Variants in CMIP observed in about 807,000 individuals in gnomAD.
CMIP encodes C-Maf-inducing protein.
A neutral mutation model predicts 97.3 loss-of-function variants in CMIP; 13 were observed. The observed-to-expected ratio is 0.13, with a 90% CI of 0.09 to 0.21. The LOEUF is 0.21. Ranked by LOEUF, CMIP falls within the 10% of genes least tolerant of loss-of-function variation. The probability of loss-of-function intolerance (pLI) is 1.00; values close to 1 mark genes in which losing one functional copy is unlikely to be tolerated. For missense variants in CMIP, 847 were observed against 1,024.9 expected, an observed-to-expected ratio of 0.83 and a Z score of 2.37; for synonymous variants, 538 against 436.3, an observed-to-expected ratio of 1.23 and a Z score of -2.91.
Position 81,702,792 on chromosome 16 carries a change from C to A in CMIP, c.1944+123C>A, listed in dbSNP as rs1265509318. ...TGATGGAGGGCGGGGCACAAGGACC[C>A]CCTAGTACTTAACACGCCAGCTCTT... is the stretch of plus-strand genomic sequence containing the variant. On this transcript the variant is annotated intron_variant, in intron 17 of 20. Transcript: ENST00000537098. 10 of 822,968 alleles carry A rather than the reference C, an allele frequency of 1.2e-5. No individual in the cohort carries two copies. In the Admixed American group the frequency reaches 2.1e-4, roughly 17 times the overall value. 51.0% of individuals were successfully genotyped at this position (822,968 alleles called of 1,614,324 possible).
intron 1 of CMIP, among the ~76,000 whole-genome samples, chr16:81,457,954 C>A (rs1048241814): frequency 2.6e-5 from 4 of 152,268 alleles, no homozygotes; most frequent in African/African-American, 9.6e-5. Flanking sequence ...TGACCTCCCC[C>A]TCGCTGTCCC....
intron 1 of CMIP, among the ~76,000 whole-genome samples, chr16:81,525,462 T>A (rs562698669): frequency 2.1e-3 from 313 of 150,326 alleles, no homozygotes; most frequent in African/African-American, 7.3e-3. Context: ...ATTTCCTTAA[T>A]TTTTTTTTTA....
intron 1 of CMIP, among the ~76,000 whole-genome samples, chr16:81,582,715 G>C (rs539656735): frequency 6.6e-6 from 1 of 152,330 alleles, no homozygotes; most frequent in East Asian, 1.9e-4. Context: ...GCAGGGCACA[G>C]TCCTGACTAG....
At chr16:81,691,498 A>T (rs1231365898) in intron 10 of CMIP, among the ~76,000 whole-genome samples, 2 of 152,240 alleles carry the variant, frequency 1.3e-5, no homozygotes, top group Non-Finnish European at 2.9e-5. Context: ...ATGATCACGT[A>T]GCCTTGGTTC....
At chr16:81,533,260 A>G (rs1217122055) in intron 1 of CMIP, among the ~76,000 whole-genome samples, 11 of 152,236 alleles carry the variant, frequency 7.2e-5, no homozygotes, top group African/African-American at 2.6e-4. Flanking sequence ...TATCCCCAGC[A>G]TTTAGAACAG....
intron 1 of CMIP, among the ~76,000 whole-genome samples, chr16:81,513,389 G>T (rs1453480028): frequency 6.6e-6 from 1 of 152,218 alleles, no homozygotes; most frequent in Non-Finnish European, 1.5e-5. Flanking sequence ...CGCATAGTAG[G>T]TGTTCCGGAA....
chr16:81,684,683 G>T (rs774690515), intron 10 of CMIP, among the ~76,000 whole-genome samples: 2 of 152,214 alleles, frequency 1.3e-5, no homozygotes, highest in Non-Finnish European at 2.9e-5. Context: ...TGAAATGGGG[G>T]TTCTAAGGCC....
rs982161164 is a variant in CMIP, at chr16:81,634,613, C to T, written c.477+13687C>T. ...TCTGCCGCACGAGTGTCTGAGGAGC[C>T]GCCTCCCCAGGGAGGGCAGGAGTGC... On this transcript the variant is annotated intron_variant, in intron 3 of 20. Transcript: ENST00000537098. Among the ~76,000 whole-genome samples the T allele has an allele frequency of 7.2e-5, 11 of 152,288 alleles. No individual in the cohort carries two copies. The East Asian group carries it at 1.2e-3, about 16-fold the overall frequency.
intron 1 of CMIP, among the ~76,000 whole-genome samples, chr16:81,497,728 G>A (rs773035369): frequency 2.6e-5 from 4 of 152,240 alleles, no homozygotes; most frequent in Non-Finnish European, 5.9e-5. Flanking sequence ...GGTGCTAAAG[G>A]CTCAGTGGCC....
intron 1 of CMIP, among the ~76,000 whole-genome samples, chr16:81,472,127 G>T (rs369453157): frequency 3.9e-5 from 6 of 152,188 alleles, no homozygotes; most frequent in Non-Finnish European, 5.9e-5. Context: ...ATGTATGCAC[G>T]TGCACACAGG....
intron 1 of CMIP, among the ~76,000 whole-genome samples, chr16:81,533,318 C>T (rs1217979096): frequency 2.0e-5 from 3 of 152,260 alleles, no homozygotes; most frequent in East Asian, 1.9e-4. Context: ...AGTGAGTGAA[C>T]GAATGAATGA....
chr16:81,660,417 G>A (rs1222182511), intron 5 of CMIP, among the ~76,000 whole-genome samples: 1 of 151,672 alleles, frequency 6.6e-6, no homozygotes, highest in Non-Finnish European at 1.5e-5. Flanking sequence ...GGATTACAGG[G>A]GCGCACACCA....
chr16:81,502,197 C>A (rs2089625822), intron 1 of CMIP, among the ~76,000 whole-genome samples: 1 of 152,146 alleles, frequency 6.6e-6, no homozygotes, highest in Admixed American at 6.5e-5. Context: ...GAGTCTGGAC[C>A]CGGGACCTGG....
chr16:81,492,150 A>G (rs1408229570), intron 1 of CMIP, among the ~76,000 whole-genome samples: 3 of 152,214 alleles, frequency 2.0e-5, no homozygotes, highest in Admixed American at 6.5e-5. Context: ...CCACAGGGGT[A>G]TGAACATTTT....
chr16:81,512,997 A>G (rs1359857214), intron 1 of CMIP, among the ~76,000 whole-genome samples: 1 of 152,190 alleles, frequency 6.6e-6, no homozygotes, highest in Non-Finnish European at 1.5e-5. Flanking sequence ...TCAGCGTCCC[A>G]AAGTGCTGGG....
intron 1 of CMIP, among the ~76,000 whole-genome samples, chr16:81,590,474 G>A (rs571087909): frequency 7.2e-5 from 11 of 152,262 alleles, no homozygotes; most frequent in African/African-American, 2.6e-4. Flanking sequence ...CAGCAGCCTC[G>A]CTTCCCCAAG....
intron 1 of CMIP, among the ~76,000 whole-genome samples, chr16:81,583,159 A>G (rs907832125): frequency 1.3e-5 from 2 of 152,156 alleles, no homozygotes; most frequent in Admixed American, 1.3e-4. Flanking sequence ...GAAAGAAGGA[A>G]TTGTTCCTGG....
intron 1 of CMIP, among the ~76,000 whole-genome samples, chr16:81,603,143 G>T (rs149878874): frequency 2.0e-5 from 3 of 152,094 alleles, no homozygotes; most frequent in African/African-American, 7.2e-5. Context: ...GCAGTGGCGC[G>T]ATCTCGGCTC....
intron 1 of CMIP, among the ~76,000 whole-genome samples, chr16:81,536,792 G>A (rs141858324): frequency 1.0e-3 from 157 of 152,048 alleles, no homozygotes; most frequent in Middle Eastern, 3.4e-3. Context: ...AGAAACATAC[G>A]TGCGTCACAT....
Sources: gnomAD v4.1 joint callset for allele counts (sites outside exome capture counted in the v4.1 genomes callset) on GRCh38, gnomAD v4.1.1 for gene constraint, MANE v1.5 for transcripts, NCBI Gene and HGNC (gene_info 2026-07-23, HGNC 2026-07-21) for gene names.